ZNF804B: variants seen among roughly 807,000 people sequenced by gnomAD.
The protein encoded by ZNF804B is zinc finger protein 804B.
ZNF804B carries 80 observed loss-of-function variants against 101.4 expected under a neutral mutation model. The observed-to-expected ratio is 0.79, with a 90% CI of 0.66 to 0.95. The LOEUF (loss-of-function observed/expected upper bound fraction) is 0.95. Among genes scored for constraint, ZNF804B ranks in the 40% least tolerant of loss-of-function variants. The pLI is 0.00. For missense variants in ZNF804B, 1,673 were observed against 1,561.9 expected (o/e 1.07, Z -1.20); for synonymous variants, 622 against 558.8 (o/e 1.11, Z -1.59).
At chr7:88,901,703 A>G (rs1165954796) in intron 1 of ZNF804B, among the ~76,000 whole-genome samples, 1 of 151,842 alleles carries the variant, frequency 6.6e-6, no homozygotes, top group African/African-American at 2.4e-5. Flanking sequence ...CCAAAGACAA[A>G]TTTTTAGAAA....
intron 1 of ZNF804B, among the ~76,000 whole-genome samples, chr7:89,164,782 G>A (rs1389128383): frequency 6.6e-6 from 1 of 151,962 alleles, no homozygotes; most frequent in Non-Finnish European, 1.5e-5. Context: ...ACATTATGTT[G>A]CTGTCTGAAG....
intron 1 of ZNF804B, among the ~76,000 whole-genome samples, chr7:89,142,348 A>C (rs1467540027): frequency 2.0e-5 from 3 of 151,796 alleles, no homozygotes; most frequent in Non-Finnish European, 2.9e-5. Context: ...GATTTGGCTA[A>C]ATTTCTCAAA....
intron 1 of ZNF804B, among the ~76,000 whole-genome samples, chr7:89,103,989 A>G (rs1297078067): frequency 6.6e-6 from 1 of 151,968 alleles, no homozygotes; most frequent in East Asian, 1.9e-4. Context: ...TGAGATAACC[A>G]TATGGTTTTT....
intron 1 of ZNF804B, among the ~76,000 whole-genome samples, chr7:88,830,983 T>C (rs187512531): frequency 6.6e-6 from 1 of 151,974 alleles, no homozygotes; most frequent in Non-Finnish European, 1.5e-5. Flanking sequence ...ATTTGTGATA[T>C]ATGTTGCAAA....
At chr7:89,229,282 T>G (rs1789150580) in intron 2 of ZNF804B, among the ~76,000 whole-genome samples, 1 of 152,174 alleles carries the variant, frequency 6.6e-6, no homozygotes, top group Non-Finnish European at 1.5e-5. Flanking sequence ...CAGCACGCTG[T>G]CACCTCTCAA....
intron 1 of ZNF804B, among the ~76,000 whole-genome samples, chr7:88,989,011 G>T (rs1254853668): frequency 6.6e-6 from 1 of 151,612 alleles, no homozygotes; most frequent in Non-Finnish European, 1.5e-5. Flanking sequence ...ATTTCCCAGG[G>T]TTTTATTTAT....
intron 1 of ZNF804B, among the ~76,000 whole-genome samples, chr7:88,876,366 G>T (rs760217064): frequency 6.6e-6 from 1 of 152,060 alleles, no homozygotes; most frequent in Admixed American, 6.6e-5. Flanking sequence ...AATTTTTGCT[G>T]CTCTTTCTGA....
intron 1 of ZNF804B, among the ~76,000 whole-genome samples, chr7:88,998,656 C>T (rs1859425): frequency 0.82 from 124,930 of 151,992 alleles, 51,845 homozygotes; most frequent in African/African-American, 0.94. Flanking sequence ...TCAGTGATCC[C>T]TATGATATGA....
At chr7:89,324,003 A>T (rs2115974589) in intron 2 of ZNF804B, among the ~76,000 whole-genome samples, 1 of 152,200 alleles carries the variant, frequency 6.6e-6, no homozygotes, top group South Asian at 2.1e-4. Flanking sequence ...GAGGCTGGCA[A>T]AATTTGGCCT....
chr7:88,819,000 C>A (rs188823899), intron 1 of ZNF804B, among the ~76,000 whole-genome samples: 236 of 152,230 alleles, frequency 1.6e-3, no homozygotes, highest in Non-Finnish European at 2.7e-3. Context: ...CTTTCAATGT[C>A]AATTTTCAGA....
At chr7:89,313,465 A>C (rs570115258) in intron 2 of ZNF804B, among the ~76,000 whole-genome samples, 1 of 152,318 alleles carries the variant, frequency 6.6e-6, no homozygotes, top group African/African-American at 2.4e-5. Context: ...TGGTTACTGG[A>C]ATAGACAGAT....
intron 1 of ZNF804B, among the ~76,000 whole-genome samples, chr7:88,964,051 G>A (rs768614296): frequency 4.0e-5 from 6 of 151,410 alleles, no homozygotes; most frequent in Non-Finnish European, 7.4e-5. Flanking sequence ...CAAGGATGTG[G>A]AGAAATTGAA....
chr7:88,860,061 G>A (rs538911514), intron 1 of ZNF804B, among the ~76,000 whole-genome samples: 43 of 151,796 alleles, frequency 2.8e-4, no homozygotes, highest in African/African-American at 9.6e-4. Flanking sequence ...GTTCTCTTGC[G>A]TCTGTTTTCT....
At chr7:88,942,675 A>G (rs1793073432) in intron 1 of ZNF804B, among the ~76,000 whole-genome samples, 1 of 151,858 alleles carries the variant, frequency 6.6e-6, no homozygotes, top group African/African-American at 2.4e-5. Context: ...TACACTTAAA[A>G]AAAACCAATG....
rs371381244 is a variant in ZNF804B at position 89,238,676 on chromosome 7, G to A, written c.249+20381G>A. On this transcript the variant is annotated intron_variant, in intron 2 of 3. Transcript: ENST00000333190. Reference sequence around the variant, plus strand: ...GCCAAGGGGCAAATAAAGCTTGTACGTATCATGCTGGTTTAGATTTGTGTT... The same window carrying A: ...GCCAAGGGGCAAATAAAGCTTGTACATATCATGCTGGTTTAGATTTGTGTT... Among the ~76,000 whole-genome samples the A allele has an allele frequency of 1.9e-4, 29 of 152,118 alleles. 1 individual carries two copies. Among genetic ancestry groups the A allele is most frequent in the African/African-American group, 4.6e-4 (19 of 41,432 alleles).
intron 1 of ZNF804B, among the ~76,000 whole-genome samples, chr7:88,878,320 T>TAG (rs1289541177): frequency 5.9e-5 from 9 of 152,138 alleles, no homozygotes; most frequent in Non-Finnish European, 7.4e-5. Context: ...TTGCCCTATT[T>TAG]CCCTTTAGAA....
chr7:88,993,266 T>G (rs1264641464), intron 1 of ZNF804B, among the ~76,000 whole-genome samples: 2 of 152,064 alleles, frequency 1.3e-5, no homozygotes, highest in African/African-American at 2.4e-5. Flanking sequence ...AATTTGTTTA[T>G]TCATTATTCC....
intron 1 of ZNF804B, among the ~76,000 whole-genome samples, chr7:88,943,749 CCAA>C (rs1196829001): frequency 2.6e-5 from 4 of 151,786 alleles, no homozygotes; most frequent in Non-Finnish European, 4.4e-5. Context: ...AATCTCCTCC[CCAA>C]AGTTAGCCCC....
chr7:88,784,711 T>G (rs1790275328), intron 1 of ZNF804B, among the ~76,000 whole-genome samples: 1 of 152,198 alleles, frequency 6.6e-6, no homozygotes, highest in Non-Finnish European at 1.5e-5. Flanking sequence ...CTTCTGCCTC[T>G]GCCACTTTGC....
Sources: gnomAD v4.1 joint callset for allele counts (sites outside exome capture counted in the v4.1 genomes callset) on GRCh38, gnomAD v4.1.1 for gene constraint, MANE v1.5 for transcripts, NCBI Gene and HGNC (gene_info 2026-07-23, HGNC 2026-07-21) for gene names.